Variants in GALNT15 observed in about 807,000 individuals in gnomAD.
GALNT15 encodes the protein UDP-GalNAc transferase T15.
In GALNT15, 67 loss-of-function variants were observed where a neutral mutation model predicts 66.8. The observed-to-expected ratio is 1.00, with a 90% CI of 0.82 to 1.23. The LOEUF is 1.23. Among genes scored for constraint, GALNT15 ranks in the 50% most tolerant of loss-of-function variants. The pLI is 0.00. For synonymous variants in GALNT15, 313 were observed against 311.5 expected (o/e 1.00, Z -0.05); for missense variants, 827 against 804.3 (o/e 1.03, Z -0.34).
chr3:16,214,525 T>C (rs1238141047), intron 6 of GALNT15, among the ~76,000 whole-genome samples: 2 of 152,208 alleles, frequency 1.3e-5, no homozygotes, highest in Non-Finnish European at 2.9e-5. Flanking sequence ...TTACTATTAA[T>C]ACCATCGTTA....
chr3:16,245,302 A>T, the GALNT15 span, among the ~76,000 whole-genome samples: 1 of 152,192 alleles, frequency 6.6e-6, no homozygotes, highest in Admixed American at 6.5e-5. Context: ...ACCTGCATCC[A>T]GTCCTTGTCT....
rs2063734049 is a variant in GALNT15 at position 16,204,236 on chromosome 3, G to C, written c.911+3413G>C. 6.6e-6 allele frequency among the ~76,000 whole-genome samples: 1 copy of C among 152,038 alleles called. No individual in the cohort carries two copies. The highest frequency in any genetic ancestry group is 6.5e-5 in the Admixed American group (1 of 15,272). ...GCCATGTGGCAACTTTATTTGAATT[G>C]GTAGAAATCCCTTCCTCATGACCAT... is the stretch of plus-strand genomic sequence containing the variant. On this transcript the variant is annotated intron_variant, in intron 3 of 9. Transcript: ENST00000339732. The surrounding 1 kb of genome is among the most constrained non-coding windows in gnomAD (Gnocchi z 4.5).
the GALNT15 span, among the ~76,000 whole-genome samples, chr3:16,238,959 G>C: frequency 6.6e-6 from 1 of 152,112 alleles, no homozygotes; most frequent in Admixed American, 6.6e-5. This position sits in a 1 kb window ranked among gnomAD's most constrained non-coding sequence, Gnocchi z 4.8. Flanking sequence ...ATGGCTTACA[G>C]ACACCTATGA....
At chr3:16,234,718 A>G (rs2064115731), downstream of GALNT15, among the ~76,000 whole-genome samples, 1 of 152,190 alleles carries the variant, frequency 6.6e-6, no homozygotes, top group African/African-American at 2.4e-5. Context: ...TGTCCCAACA[A>G]AAGCTTGCAT....
At chr3:16,231,020 A>G (rs181773262), downstream of GALNT15, among the ~76,000 whole-genome samples, 439 of 152,108 alleles carry the variant, frequency 2.9e-3, 9 homozygotes, top group Non-Finnish European at 1.5e-3. The surrounding 1 kb of genome is among the most constrained non-coding windows in gnomAD (Gnocchi z 4.1). Context: ...GGAAACCATC[A>G]TTCTCAGCAA....
Position 16,228,097 on chromosome 3 carries a change from C to A in GALNT15, c.*597C>A. 1 of 986,062 alleles carries A rather than the reference C, an allele frequency of 1.0e-6. No individual in the cohort carries two copies. Among genetic ancestry groups the A allele is most frequent in the Non-Finnish European group, 1.2e-6 (1 of 830,104 alleles). The allele number at this position is 986,062 out of a possible 1,614,324, so 61.1% of individuals were successfully genotyped here. On this transcript the variant is annotated 3_prime_UTR_variant, in exon 10 of 10. Transcript: ENST00000339732. ...AGAGCACTTTGGCCCAATTCTCCAGCTCAACCCAGCAGCTGAAAAGCTTCA... is the reference window on the plus strand; with the variant it reads ...AGAGCACTTTGGCCCAATTCTCCAGATCAACCCAGCAGCTGAAAAGCTTCA...
rs2063470329 is a variant in GALNT15 at position 16,181,445 on chromosome 3, C to T, written c.539+5755C>T. On this transcript the variant is annotated intron_variant, in intron 1 of 9. Transcript: ENST00000339732. The surrounding 1 kb of genome is among the most constrained non-coding windows in gnomAD (Gnocchi z 5.9). ...TGTTCCCCACTTCCTGCCCCAGAGGCCATAATGGGCAAGGGGTCAGAGGGA... is the reference window on the plus strand; with the variant it reads ...TGTTCCCCACTTCCTGCCCCAGAGGTCATAATGGGCAAGGGGTCAGAGGGA... 6.6e-6 allele frequency among the ~76,000 whole-genome samples: 1 copy of T among 152,050 alleles called. No homozygotes were observed. Among genetic ancestry groups the T allele is most frequent in the Non-Finnish European group, 1.5e-5 (1 of 68,020 alleles).
intron 9 of GALNT15, 115 bp downstream of exon 9, chr3:16,222,873 C>A: frequency 8.1e-7 from 1 of 1,231,694 alleles, no homozygotes; most frequent in Non-Finnish European, 1.1e-6. Context: ...TCTGCCTCTG[C>A]TTTTGAACTT....
At position 16,180,317 on chromosome 3, in the gene GALNT15, A is replaced by G. The variant is rs2063455647; in HGVS notation, c.539+4627A>G. Among the ~76,000 whole-genome samples the G allele has an allele frequency of 6.6e-6, 1 of 152,220 alleles. No individual in the cohort carries two copies. The highest frequency in any genetic ancestry group is 2.1e-4 in the South Asian group (1 of 4,826). On this transcript the variant is annotated intron_variant, in intron 1 of 9. Transcript: ENST00000339732. This position sits in a 1 kb window ranked among gnomAD's most constrained non-coding sequence, Gnocchi z 5.0. ...CAGTGCTCCTCAAACTTTAAGGTGC[A>G]TGCGAATCTTCTAGGCATCCTGTTA...
the GALNT15 span, among the ~76,000 whole-genome samples, chr3:16,247,306 C>T: frequency 6.6e-6 from 1 of 152,200 alleles, no homozygotes; most frequent in Non-Finnish European, 1.5e-5. Flanking sequence ...CATGTCTTTT[C>T]ATTTAATCCT....
rs2063492911 is a variant in GALNT15 at position 16,183,846 on chromosome 3, C to T, written c.539+8156C>T. 6.6e-6 allele frequency among the ~76,000 whole-genome samples: 1 copy of T among 152,106 alleles called. No individual in the cohort carries two copies. The highest frequency in any genetic ancestry group is 2.1e-4 in the South Asian group (1 of 4,812). On this transcript the variant is annotated intron_variant, in intron 1 of 9. Transcript: ENST00000339732. The surrounding 1 kb of genome is among the most constrained non-coding windows in gnomAD (Gnocchi z 5.2). ...ATCTGGTGCAATGCTGTGACTCATT[C>T]TCTTCAGAGCCATCATCCAAATGCA...
Position 16,200,010 on chromosome 3 carries a change from AAGG to A in GALNT15, c.707-605_707-603del, listed in dbSNP as rs1450031677. ...CCTGAGACTAGGTAATTTATAAAGA[AAGG>A]AGGTTTAATTGACTCACAGTTTCGC... On this transcript the variant is annotated intron_variant, in intron 2 of 9. Coordinates refer to ENST00000339732, the MANE Select transcript of GALNT15 (RefSeq NM_054110.5). This position sits in a 1 kb window ranked among gnomAD's most constrained non-coding sequence, Gnocchi z 4.4. Among the ~76,000 whole-genome samples, 1 of 152,196 alleles carries A rather than the reference AAGG, an allele frequency of 6.6e-6. No individual in the cohort carries two copies. The highest frequency in any genetic ancestry group is 6.5e-5 in the Admixed American group (1 of 15,282).
chr3:16,228,176 G>A lies in GALNT15; in HGVS notation c.*676G>A. Reference sequence around the variant, plus strand: ...TAATGAGAATTTCCACCATTGTAGAGAATTTCCTTCCTACTGAGAATCTAC... The same window carrying A: ...TAATGAGAATTTCCACCATTGTAGAAAATTTCCTTCCTACTGAGAATCTAC... On this transcript the variant is annotated 3_prime_UTR_variant, in exon 10 of 10. Transcript: ENST00000339732. 1.0e-6 allele frequency: 1 copy of A among 985,936 alleles called. No homozygotes were observed. The highest frequency in any genetic ancestry group is 1.2e-6 in the Non-Finnish European group (1 of 830,008). The allele number at this position is 985,936 out of a possible 1,614,324, so 61.1% of individuals were successfully genotyped here. A position where few individuals can be genotyped will look rare whatever the true frequency, so the allele number is the denominator to read the frequency against.
chr3:16,244,165 G>A, the GALNT15 span, among the ~76,000 whole-genome samples: 1 of 152,182 alleles, frequency 6.6e-6, no homozygotes, highest in African/African-American at 2.4e-5. Flanking sequence ...AGACGTTTGA[G>A]TGGCTTCTGT....
In GALNT15 at chr3:16,224,036, T is replaced by C. The variant is rs2063979158; in HGVS notation, c.1773+1278T>C. Among the ~76,000 whole-genome samples the C allele has an allele frequency of 6.6e-6, 1 of 152,110 alleles. No individual in the cohort carries two copies. The highest frequency in any genetic ancestry group is 2.4e-5 in the African/African-American group (1 of 41,396). On this transcript the variant is annotated intron_variant, in intron 9 of 9. Coordinates refer to ENST00000339732, the MANE Select transcript of GALNT15 (RefSeq NM_054110.5). This position sits in a 1 kb window ranked among gnomAD's most constrained non-coding sequence, Gnocchi z 5.2. ...TCAAGTTAAGGTCCTTTATAAATGATCATAAAGTATTTTTCTAAGCAAGTC... is the reference window on the plus strand; with the variant it reads ...TCAAGTTAAGGTCCTTTATAAATGACCATAAAGTATTTTTCTAAGCAAGTC...
intron 8 of GALNT15, chr3:16,220,341 C>A: frequency 3.0e-6 from 1 of 338,770 alleles, no homozygotes; most frequent in South Asian, 3.6e-5. Flanking sequence ...AACTCAGAAG[C>A]CTCCAGGATT....
chr3:16,226,761 C>T (rs1356575386), intron 9 of GALNT15, among the ~76,000 whole-genome samples: 2 of 152,188 alleles, frequency 1.3e-5, no homozygotes, highest in East Asian at 1.9e-4. Context: ...AATAAATAGG[C>T]ATTTTCAGCA....
downstream of GALNT15, among the ~76,000 whole-genome samples, chr3:16,234,954 A>G (rs1292802415): frequency 7.4e-6 from 1 of 134,504 alleles, no homozygotes; most frequent in Non-Finnish European, 1.5e-5. Context: ...TTGGAGTCTC[A>G]CTCCGTTGCC....
At chr3:16,246,618 A>T in the GALNT15 span, among the ~76,000 whole-genome samples, 3 of 152,170 alleles carry the variant, frequency 2.0e-5, no homozygotes, top group African/African-American at 7.2e-5. Flanking sequence ...CACCGCGCCC[A>T]GCCTGAAAAG....
Sources: allele counts gnomAD v4.1 joint callset (sites outside exome capture counted in the v4.1 genomes callset), GRCh38; gene constraint gnomAD v4.1.1; non-coding constraint Gnocchi (gnomAD v3.1); transcripts MANE v1.5; gene names NCBI Gene and HGNC (gene_info 2026-07-23, HGNC 2026-07-21).